The following CARHSP1 variants were observed in gnomAD, a reference collection of about 807,000 sequenced individuals.
CARHSP1 encodes calcium regulated heat stable protein 1, also known as calcium-regulated heat-stable protein 1.
In CARHSP1, 14 loss-of-function variants were observed where a neutral mutation model predicts 12.5. The ratio of observed to expected loss-of-function variants is 1.12; its 90% confidence interval spans 0.74 to 1.75. The LOEUF (loss-of-function observed/expected upper bound fraction) is 1.75, where lower values mean the gene tolerates loss of function less well. Ranked by LOEUF, CARHSP1 falls within the 40% of genes most tolerant of loss-of-function variation. The probability of loss-of-function intolerance (pLI) is 0.00; values close to 1 mark genes in which losing one functional copy is unlikely to be tolerated. For synonymous variants in CARHSP1, 161 were observed against 82.0 expected (o/e 1.96, Z -5.20); for missense variants, 343 against 201.6 (o/e 1.70, Z -4.25).
At chr16:8,857,102 C>T (rs2061142133) in intron 3 of CARHSP1, among the ~76,000 whole-genome samples, 1 of 152,066 alleles carries the variant, frequency 6.6e-6, no homozygotes, top group African/African-American at 2.4e-5. Flanking sequence ...ATGGGGTGTC[C>T]TTGGCCAGAT....
chr16:8,856,171 C>A (rs1376974301), intron 3 of CARHSP1, among the ~76,000 whole-genome samples: 2 of 152,264 alleles, frequency 1.3e-5, no homozygotes, highest in East Asian at 1.9e-4. Flanking sequence ...GGGGCCTCTC[C>A]CTGTGACCAC....
intron 2 of CARHSP1, 68 bp downstream of exon 2, chr16:8,859,103 A>C: frequency 1.5e-5 from 22 of 1,424,856 alleles, no homozygotes; most frequent in Non-Finnish European, 2.0e-5. Context: ...GGCCAGAGAC[A>C]CAGTGAATCT....
chr16:8,857,274 T>TTTTTTTTTTG (rs1567181172), intron 3 of CARHSP1, among the ~76,000 whole-genome samples: 2 of 97,524 alleles, frequency 2.1e-5, no homozygotes, highest in Non-Finnish European at 4.0e-5. Context: ...TTTTTTTTTT[T>TTTTTTTTTTG]TTTTTTTTTT....
intron 1 of CARHSP1, among the ~76,000 whole-genome samples, chr16:8,864,930 T>G (rs1596328599): frequency 6.6e-6 from 1 of 152,176 alleles, no homozygotes; most frequent in South Asian, 2.1e-4. Flanking sequence ...GTCTGGAGAC[T>G]TACGGCCCAA....
intron 3 of CARHSP1, among the ~76,000 whole-genome samples, chr16:8,857,263 G>GTTTTTTGTTTTTTGTTTTTTGTTTTTTTT (rs1315960023): frequency 1.8e-5 from 1 of 57,004 alleles, no homozygotes; most frequent in Non-Finnish European, 3.7e-5. Flanking sequence ...GGGCAGATCT[G>GTTTTTTGTTTTTTGTTTTTTGTTTTTTTT]TTTTTTTTTT....
At position 8,855,175 on chromosome 16, in the gene CARHSP1, T is replaced by C. The variant is rs2061056577; in HGVS notation, c.433A>G (p.Ile145Val). The change falls in exon 4 of 4, where the codon ATC becomes GTC. Residue 145 changes from isoleucine to valine, a missense_variant. Transcript: ENST00000311052. Reference sequence around the variant, plus strand: ...GCTTCCACCATCTCCTAGGAGCTGATGACATGTCCAGACCAGGTCTCATGC... The same window carrying C: ...GCTTCCACCATCTCCTAGGAGCTGACGACATGTCCAGACCAGGTCTCATGC... ...TKHETWSGHV[I>V]SS 6.3e-7 allele frequency: 1 copy of C among 1,599,052 alleles called. No individual in the cohort carries two copies. Among genetic ancestry groups the C allele is most frequent in the Non-Finnish European group, 8.5e-7 (1 of 1,170,958 alleles).
intron 1 of CARHSP1, chr16:8,860,336 G>A: frequency 2.0e-6 from 2 of 985,354 alleles, no homozygotes; most frequent in Non-Finnish European, 2.4e-6. Flanking sequence ...TTCCTTCTGT[G>A]ACCCCTAGTA....
chr16:8,861,656 G>A (rs1472467910), intron 1 of CARHSP1: 1 of 1,289,096 alleles, frequency 7.8e-7, no homozygotes, highest in Admixed American at 2.3e-5. Context: ...TGGAGGAGGT[G>A]GCATCCTACC....
chr16:8,855,498 C>G (rs1355809854), intron 3 of CARHSP1, among the ~76,000 whole-genome samples, 172 bp from the exon 4 acceptor site: 1 of 152,166 alleles, frequency 6.6e-6, no homozygotes, highest in Non-Finnish European at 1.5e-5. Flanking sequence ...TGCCACACTG[C>G]CCCCAGCCTC....
intron 2 of CARHSP1, 107 bp from the exon 3 acceptor site, chr16:8,858,579 CGCCATGTACAGTCACACAGGCTGAGGACT>C (rs2061232555): frequency 2.2e-6 from 3 of 1,380,418 alleles, no homozygotes; most frequent in Admixed American, 2.2e-5. Context: ...TGGCCAGGAC[CGCCATGTACAGTCACACAGGCTGAGGACT>C]GCACAACCCT....
Position 8,854,827 on chromosome 16 carries a change from G to C in CARHSP1, c.*337C>G, listed in dbSNP as rs950386860. On this transcript the variant is annotated 3_prime_UTR_variant, in exon 4 of 4. Transcript: ENST00000311052. ...GAGGGATTCTGTGGGTTGAGCCCAT[G>C]TGTCTGAGCAGCTGGAGAAATACCA... 5 of 191,290 alleles carry C rather than the reference G, an allele frequency of 2.6e-5. No individual in the cohort carries two copies. The highest frequency in any genetic ancestry group is 2.5e-4 in the Admixed American group (4 of 16,270). 11.8% of individuals were successfully genotyped at this position (191,290 alleles called of 1,614,324 possible).
chr16:8,860,179 A>G, intron 1 of CARHSP1: 1 of 985,418 alleles, frequency 1.0e-6, no homozygotes, highest in African/African-American at 1.7e-5. Flanking sequence ...TGGATCCCTG[A>G]GCAGCTGTCA....
intron 1 of CARHSP1, among the ~76,000 whole-genome samples, chr16:8,862,096 G>A (rs1235406372): frequency 4.1e-5 from 6 of 146,466 alleles, no homozygotes; most frequent in African/African-American, 1.5e-4. Flanking sequence ...TCCACCTTCT[G>A]GGTTCAAGTG....
In CARHSP1 at chr16:8,855,264, G is replaced by A. The variant is rs1362377243; in HGVS notation, c.344C>T (p.Pro115Leu). 2.5e-6 allele frequency: 4 copies of A among 1,613,138 alleles called. No homozygotes were observed. The highest frequency in any genetic ancestry group is 2.5e-6 in the Non-Finnish European group (3 of 1,179,424). The change falls in exon 4 of 4, where the codon CCA becomes CTA. Residue 115 changes from proline to leucine, a missense_variant. Pro to Leu is a moderately conservative substitution (Grantham distance 98, BLOSUM62 -3). Coordinates refer to ENST00000311052, the MANE Select transcript of CARHSP1 (RefSeq NM_014316.4). ...GGCCTGCAGCTTCTCATTCTTGGGT[G>A]GGATGGAGCACATTTTATAGGTGAC... The part of the protein sequence containing the change: ...DEVTYKMCSI[P>L]PKNEKLQAVE...
intron 3 of CARHSP1, among the ~76,000 whole-genome samples, chr16:8,856,068 G>C (rs4985057): frequency 6.6e-6 from 1 of 151,978 alleles, no homozygotes; most frequent in East Asian, 1.9e-4. Context: ...CTCAGCCTCC[G>C]AAAGTGCTGG....
chr16:8,858,277 C>T (rs1596530604), intron 3 of CARHSP1, 73 bp downstream of exon 3: 11 of 1,558,862 alleles, frequency 7.1e-6, no homozygotes, highest in South Asian at 4.7e-5. Flanking sequence ...CAGAGTCACA[C>T]ACCATCCCCA....
chr16:8,853,701 CCTAG>C lies in CARHSP1; in HGVS notation c.*1459_*1462del, dbSNP rs1362442009. ...AGGTCATATATTTCAAAAAATAATG[CCTAG>C]CTATTTCTACTTTGAAATCATGACT... On this transcript the variant is annotated 3_prime_UTR_variant, in exon 4 of 4. Transcript: ENST00000311052. 1 of 152,184 alleles carries C rather than the reference CCTAG, an allele frequency of 6.6e-6. No individual in the cohort carries two copies. The highest frequency in any genetic ancestry group is 6.5e-5 in the Admixed American group (1 of 15,280). The allele number at this position is 152,184 out of a possible 1,614,324, so 9.4% of individuals were successfully genotyped here.
intron 2 of CARHSP1, 75 bp downstream of exon 2, chr16:8,859,096 C>G: frequency 7.1e-7 from 1 of 1,417,358 alleles, no homozygotes; most frequent in South Asian, 1.4e-5. Flanking sequence ...CAAAAATGGC[C>G]AGAGACACAG....
At position 8,855,238 on chromosome 16, in the gene CARHSP1, C is replaced by G. The variant is rs149072869; in HGVS notation, c.370G>C (p.Val124Leu). 6.2e-7 allele frequency: 1 copy of G among 1,613,318 alleles called. No homozygotes were observed. Among genetic ancestry groups the G allele is most frequent in the South Asian group, 1.1e-5 (1 of 90,968 alleles). The change falls in exon 4 of 4, where the codon GTG becomes CTG. Residue 124 changes from valine (V) to leucine (L), a missense_variant. Physicochemically the swap from Val to Leu is conservative, Grantham distance 32. Coordinates refer to ENST00000311052, the MANE Select transcript of CARHSP1 (RefSeq NM_014316.4). ...GCCAGGTGAGTGATGACGACCTCCA[C>G]GGCCTGCAGCTTCTCATTCTTGGGT... ...IPPKNEKLQA[V>L]EVVITHLAPG...
Sources: gnomAD v4.1 joint callset for allele counts (sites outside exome capture counted in the v4.1 genomes callset) on GRCh38, gnomAD v4.1.1 for gene constraint, MANE v1.5 for transcripts, NCBI Gene and HGNC (gene_info 2026-07-23, HGNC 2026-07-21) for gene names.